Variants in RPS26 observed in about 807,000 individuals in gnomAD.
RPS26 encodes the protein ribosomal protein S26, also known as small ribosomal subunit protein eS26.
In RPS26, 1 loss-of-function variant was observed where a neutral mutation model predicts 14.7. That is an observed-to-expected ratio of 0.07 (90% confidence interval 0.02 to 0.32). The LOEUF is 0.32. Ranked by LOEUF, RPS26 falls within the 10% of genes least tolerant of loss-of-function variation. The pLI, the probability that RPS26 is intolerant of heterozygous loss-of-function variation, is 1.00. For missense variants in RPS26, 63 were observed against 157.7 expected (o/e 0.40, Z 3.22); for synonymous variants, 59 against 53.1 (o/e 1.11, Z -0.48).
chr12:56,043,112 TGTCA>T, intron 2 of RPS26: 1 of 473,288 alleles, frequency 2.1e-6, no homozygotes, highest in Non-Finnish European at 3.9e-6. Context: ...GCATTTAGAA[TGTCA>T]GTCTGGTCCT....
intron 3 of RPS26, 129 bp downstream of exon 3, chr12:56,043,622 C>A (rs1895922326): frequency 4.3e-6 from 4 of 930,370 alleles, no homozygotes; most frequent in Admixed American, 3.9e-5. Context: ...TGCTAGAAAC[C>A]AGCAGTTCAA....
intron 2 of RPS26, 146 bp downstream of exon 2, chr12:56,042,748 C>T: frequency 1.4e-6 from 1 of 737,960 alleles, no homozygotes; most frequent in Admixed American, 2.0e-5. Context: ...AGAGAATTCT[C>T]TTGTTTGCCG....
In RPS26 at chr12:56,042,111, C is replaced by G; in HGVS notation, c.-56C>G. On this transcript the variant is annotated 5_prime_UTR_variant, in exon 1 of 4. Coordinates refer to ENST00000646449, the MANE Select transcript of RPS26 (RefSeq NM_001029.5). The stretch of plus-strand genomic sequence containing the variant: ...CCGGTGTCCGCGTAGGGATCTCATG[C>G]TATATAGGAGGGCCCTGCCAGGCAC... 1.3e-6 allele frequency: 2 copies of G among 1,590,026 alleles called. No individual in the cohort carries two copies. Among genetic ancestry groups the G allele is most frequent in the Non-Finnish European group, 1.7e-6 (2 of 1,158,030 alleles).
rs112803628 is a variant in RPS26, at chr12:56,044,253, T to A, written c.*99T>A. On this transcript the variant is annotated 3_prime_UTR_variant, in exon 4 of 4. Transcript: ENST00000646449. ...GCATGTTAAGTGTATCTGTGCCAGA[T>A]AAGGTGGGGATTTTGTGTGTTAGAC... 1.1e-6 allele frequency: 1 copy of A among 949,364 alleles called. No homozygotes were observed. Among genetic ancestry groups the A allele is most frequent in the East Asian group, 2.4e-5 (1 of 41,182 alleles). The allele number at this position is 949,364 out of a possible 1,614,324, so 58.8% of individuals were successfully genotyped here. A position where few individuals can be genotyped will look rare whatever the true frequency, so the allele number is the denominator to read the frequency against.
chr12:56,042,297 G>T (rs1221214779), intron 1 of RPS26, 128 bp downstream of exon 1: 1 of 1,520,156 alleles, frequency 6.6e-7, no homozygotes, highest in Non-Finnish European at 9.1e-7. Flanking sequence ...GGGTCGGCGG[G>T]ATTTGCGGAG....
chr12:56,042,609 G>C lies in RPS26; in HGVS notation c.181+7G>C. On this transcript the variant is annotated splice_region_variant and intron_variant, in intron 2 of 3. Coordinates refer to ENST00000646449, the MANE Select transcript of RPS26 (RefSeq NM_001029.5). ...GAAGCGAGCGTCTTCGATGGTAAGT[G>C]GGTCACCGGCGCGAACTGTGTGAGG... The C allele has an allele frequency of 1.3e-6, 2 of 1,597,766 alleles. No homozygotes were observed. The highest frequency in any genetic ancestry group is 2.2e-5 in the South Asian group (2 of 91,066).
chr12:56,042,798 A>T, intron 2 of RPS26, 196 bp downstream of exon 2: 1 of 658,354 alleles, frequency 1.5e-6, no homozygotes, highest in Non-Finnish European at 2.7e-6. Flanking sequence ...TTTGTGATAG[A>T]GTGCACAGCC....
At position 56,042,222 on chromosome 12, in the gene RPS26, G is replaced by A. The variant is rs1232841585; in HGVS notation, c.3+53G>A. The A allele has an allele frequency of 4.9e-5, 79 of 1,610,914 alleles. No homozygotes were observed. The Admixed American group carries it at 1.2e-3, about 25-fold the overall frequency. ...GGGTTCGGGTGCAGACTCTGGGATT[G>A]TGGGGAAGTGAGAGCCTGGAGCACG... On this transcript the variant is annotated intron_variant, in intron 1 of 3. Coordinates refer to ENST00000646449, the MANE Select transcript of RPS26 (RefSeq NM_001029.5).
chr12:56,042,494 A>G lies in RPS26; in HGVS notation c.73A>G (p.Asn25Asp). ...RGHVQPIRCT[N>D]CARCVPKDKA... is the part of the protein sequence containing the mutation. ...CCACGTGCAGCCTATTCGCTGCACT[A>G]ACTGTGCCCGATGCGTGCCCAAGGA... Residue 25 changes from asparagine to aspartate, a missense_variant, in exon 2 of 4, where the codon AAC (asparagine) becomes GAC (aspartate). Coordinates refer to ENST00000646449, the MANE Select transcript of RPS26 (RefSeq NM_001029.5). 1.2e-6 allele frequency: 2 copies of G among 1,602,666 alleles called. No individual in the cohort carries two copies. The highest frequency in any genetic ancestry group is 1.7e-6 in the Non-Finnish European group (2 of 1,172,058).
rs1895940589 is a variant in RPS26 at position 56,044,688 on chromosome 12, A to G, written c.*534A>G. 6.4e-6 allele frequency: 1 copy of G among 155,286 alleles called. No homozygotes were observed. Among genetic ancestry groups the G allele is most frequent in the African/African-American group, 2.4e-5 (1 of 41,452 alleles). 9.6% of individuals were successfully genotyped at this position (155,286 alleles called of 1,614,324 possible). On this transcript the variant is annotated 3_prime_UTR_variant, in exon 4 of 4. Coordinates refer to ENST00000646449, the MANE Select transcript of RPS26 (RefSeq NM_001029.5). ...TAATTGTGGTCGTATGGTTGGCCTC[A>G]CAATTCGCATAGCTGTGTGAAATGG...
intron 2 of RPS26, chr12:56,042,997 C>G (rs1412798791): frequency 2.5e-6 from 1 of 401,860 alleles, no homozygotes; most frequent in Non-Finnish European, 4.6e-6. Context: ...ATGTTTGGAG[C>G]AATAAGAACG....
At chr12:56,042,798 A>AGT in intron 2 of RPS26, 196 bp downstream of exon 2, 1 of 658,354 alleles carries the variant, frequency 1.5e-6, no homozygotes, top group South Asian at 1.7e-5. Context: ...TTTGTGATAG[A>AGT]GTGCACAGCC....
Position 56,044,362 on chromosome 12 carries a change from TTTTGAGAC to T in RPS26, c.*209_*216del. On this transcript the variant is annotated 3_prime_UTR_variant, in exon 4 of 4. Transcript: ENST00000646449. ...ATTTTTTTCTTTTTTTTTTTTTTTTTTTTGAGACGGAGTCTTTGTCGCCCAAGCTGAAT... is the reference window on the plus strand; with the variant it reads ...ATTTTTTTCTTTTTTTTTTTTTTTTTGGAGTCTTTGTCGCCCAAGCTGAAT... 6.8e-6 allele frequency: 3 copies of T among 443,798 alleles called. No individual in the cohort carries two copies. The highest frequency in any genetic ancestry group is 7.8e-6 in the Non-Finnish European group (2 of 255,666). 27.5% of individuals were successfully genotyped at this position (443,798 alleles called of 1,614,324 possible). A position where few individuals can be genotyped will look rare whatever the true frequency, so the allele number is the denominator to read the frequency against.
Position 56,044,153 on chromosome 12 carries a change from A to G in RPS26, c.347A>G (p.Ter116=). The change falls in exon 4 of 4, where the codon TAA becomes TGA. Residue 116 remains the stop codon, a stop_retained_variant. Coordinates refer to ENST00000646449, the MANE Select transcript of RPS26 (RefSeq NM_001029.5). ...CCACGTCCCCCACCAAAGCCCATGTAAGGAGCTGAGTTCTTAAAGACTGAA... is the reference window on the plus strand; with the variant it reads ...CCACGTCCCCCACCAAAGCCCATGTGAGGAGCTGAGTTCTTAAAGACTGAA... ...AAPRPPPKPM[*] 6.2e-7 allele frequency: 1 copy of G among 1,610,640 alleles called. No homozygotes were observed. The highest frequency in any genetic ancestry group is 8.5e-7 in the Non-Finnish European group (1 of 1,177,026).
At chr12:56,042,784 T>G in intron 2 of RPS26, 182 bp downstream of exon 2, 1 of 680,600 alleles carries the variant, frequency 1.5e-6, no homozygotes, top group Non-Finnish European at 2.6e-6. Context: ...GGGCAGAGGG[T>G]GACTTTGTGA....
rs368838700 is a variant in RPS26 at position 56,042,481 on chromosome 12, T to A, written c.60T>A (p.Pro20=). 13 of 1,604,960 alleles carry A rather than the reference T, an allele frequency of 8.1e-6. No homozygotes were observed. In the African/African-American group the frequency reaches 1.5e-4, roughly 18 times the overall value. The change falls in exon 2 of 4, where the codon CCT becomes CCA. Residue 20 remains proline (P), a synonymous_variant. Transcript: ENST00000646449. ...RAKKGRGHVQ[P]IRCTNCARCV... Reference sequence around the variant, plus strand: ...AAAAGGGCCGCGGCCACGTGCAGCCTATTCGCTGCACTAACTGTGCCCGAT... The same window carrying A: ...AAAAGGGCCGCGGCCACGTGCAGCCAATTCGCTGCACTAACTGTGCCCGAT...
Position 56,044,182 on chromosome 12 carries a change from A to C in RPS26, c.*28A>C, listed in dbSNP as rs371184218. The C allele has an allele frequency of 1.3e-6, 2 of 1,542,254 alleles. No individual in the cohort carries two copies. The highest frequency in any genetic ancestry group is 1.8e-6 in the Non-Finnish European group (2 of 1,114,988). On this transcript the variant is annotated 3_prime_UTR_variant, in exon 4 of 4. Coordinates refer to ENST00000646449, the MANE Select transcript of RPS26 (RefSeq NM_001029.5). Reference sequence around the variant, plus strand: ...AGCTGAGTTCTTAAAGACTGAAGACAGGCTATTCTCTGGAGAAAAATAAAA... The same window carrying C: ...AGCTGAGTTCTTAAAGACTGAAGACCGGCTATTCTCTGGAGAAAAATAAAA...
intron 2 of RPS26, 94 bp from the exon 3 acceptor site, chr12:56,043,269 A>G: frequency 8.0e-7 from 1 of 1,249,930 alleles, no homozygotes; most frequent in Non-Finnish European, 1.2e-6. Context: ...GTTTAGTTTT[A>G]ATTGACGTAA....
Position 56,042,076 on chromosome 12 carries a change from A to G in RPS26, c.-91A>G, listed in dbSNP as rs1373065601. 1 of 1,357,210 alleles carries G rather than the reference A, an allele frequency of 7.4e-7. No individual in the cohort carries two copies. The highest frequency in any genetic ancestry group is 1.1e-6 in the Non-Finnish European group (1 of 945,890). 84.1% of individuals were successfully genotyped at this position (1,357,210 alleles called of 1,614,324 possible). On this transcript the variant is annotated 5_prime_UTR_variant, in exon 1 of 4. Transcript: ENST00000646449. ...TTGCCGTTCTTGAAGCCCGTCTCCT[A>G]AGGATTCTCCCGGTGTCCGCGTAGG...
Sources: allele counts gnomAD v4.1 joint callset, GRCh38; gene constraint gnomAD v4.1.1; transcripts MANE v1.5; gene names NCBI Gene and HGNC (gene_info 2026-07-23, HGNC 2026-07-21).